Variants in USP34 observed in about 807,000 individuals in gnomAD.
USP34 encodes the protein ubiquitin specific peptidase 34.
A neutral mutation model predicts 460.3 loss-of-function variants in USP34; 70 were observed. The observed-to-expected ratio is 0.15, with a 90% CI of 0.13 to 0.19. The LOEUF is 0.19. Ranked by LOEUF, USP34 falls within the 10% of genes least tolerant of loss-of-function variation. USP34 has a pLI of 1.00. For synonymous variants in USP34, 1,647 were observed against 1,405.3 expected (o/e 1.17, Z -3.85); for missense variants, 3,985 against 4,236.2 (o/e 0.94, Z 1.65).
chr2:61,221,630 G>C, intron 65 of USP34, 24 bp from the exon 66 acceptor site: 1 of 1,606,160 alleles, frequency 6.2e-7, no homozygotes, highest in Non-Finnish European at 8.5e-7. Flanking sequence ...ACATGACTGT[G>C]TATTTAGATC....
Position 61,306,528 on chromosome 2 carries a change from G to A in USP34, c.3817+5012C>T, listed in dbSNP as rs1052030030. ...TGATGCCTCCAGCTTTGTTCTTTTG[G>A]CTTAGGATTGTCTTGGCAATGCGGG... is the stretch of plus-strand genomic sequence containing the variant. On this transcript the variant is annotated intron_variant, in intron 27 of 79. Coordinates refer to ENST00000398571, the MANE Select transcript of USP34 (RefSeq NM_014709.4). Among the ~76,000 whole-genome samples the A allele has an allele frequency of 2.6e-5, 4 of 152,194 alleles. No individual in the cohort carries two copies. In the East Asian group the frequency reaches 7.7e-4, roughly 29 times the overall value.
chr2:61,245,300 C>T lies in USP34; in HGVS notation c.6549-12G>A. Reference sequence around the variant, plus strand: ...CATTAAAAAGATACCTAAAATAGAGCATATAGTATTAATCTAGTATGCATA... The same window carrying T: ...CATTAAAAAGATACCTAAAATAGAGTATATAGTATTAATCTAGTATGCATA... On this transcript the variant is annotated splice_polypyrimidine_tract_variant and intron_variant, in intron 50 of 79. Transcript: ENST00000398571. The T allele has an allele frequency of 6.4e-7, 1 of 1,563,938 alleles. No individual in the cohort carries two copies.
chr2:61,348,569 G>C (rs1315038174), intron 14 of USP34, 89 bp from the exon 15 acceptor site: 7 of 1,493,278 alleles, frequency 4.7e-6, no homozygotes, highest in Non-Finnish European at 5.3e-6. Flanking sequence ...TTTTTAAAAA[G>C]GCTGCCAGTC....
At chr2:61,461,126 CA>C in intron 1 of USP34, among the ~76,000 whole-genome samples, 1 of 152,044 alleles carries the variant, frequency 6.6e-6, no homozygotes, top group Middle Eastern at 3.4e-3. Flanking sequence ...CAGGGTGGCT[CA>C]CAACTGTAAT....
chr2:61,296,910 C>A lies in USP34; in HGVS notation c.4144G>T (p.Glu1382Ter). ...AGATTTTCTGCATGAAGATGAAGTT[C>A]TTCACATCGTAAGCTCTACACAAAT... ...VDDSESLRCE[E>*]LHLHAENLSR... Residue 1382 changes from glutamate (E) to a stop codon, truncating the protein, a stop_gained, in exon 30 of 80, where the codon GAA becomes TAA. Coordinates refer to ENST00000398571, the MANE Select transcript of USP34 (RefSeq NM_014709.4). LOFTEE classifies it high-confidence loss of function. 6.2e-7 allele frequency: 1 copy of A among 1,613,584 alleles called. No individual in the cohort carries two copies. The highest frequency in any genetic ancestry group is 1.1e-5 in the South Asian group (1 of 91,020).
intron 27 of USP34, among the ~76,000 whole-genome samples, chr2:61,307,493 A>AT (rs932573559): frequency 7.2e-5 from 11 of 152,160 alleles, no homozygotes; most frequent in Non-Finnish European, 1.0e-4. Flanking sequence ...TTGGATGTTA[A>AT]TAAGGACTCA....
chr2:61,331,156 C>CA, intron 20 of USP34, 120 bp downstream of exon 20: 1 of 838,212 alleles, frequency 1.2e-6, no homozygotes, highest in Non-Finnish European at 1.8e-6. Flanking sequence ...TAATTTTATA[C>CA]AAATAAAGTT....
rs541184731 is a variant in USP34, at chr2:61,188,899, A to G, written c.10033+11T>C. 22 of 1,613,978 alleles carry G rather than the reference A, an allele frequency of 1.4e-5. No individual in the cohort carries two copies. Among genetic ancestry groups the G allele is most frequent in the Middle Eastern group, 3.3e-4 (2 of 6,062 alleles). The stretch of plus-strand genomic sequence containing the variant: ...ACCCTAAAGGTAATGATAGTAGTCC[A>G]TAAAGCTAACCTTTAGTTTTTCTTT... On this transcript the variant is annotated intron_variant, in intron 79 of 79. Coordinates refer to ENST00000398571, the MANE Select transcript of USP34 (RefSeq NM_014709.4).
At chr2:61,208,751 A>T in intron 70 of USP34, 148 bp downstream of exon 70, 2 of 408,794 alleles carry the variant, frequency 4.9e-6, no homozygotes, top group Admixed American at 4.5e-5. Flanking sequence ...TATTCTTGGG[A>T]TATAAATTCA....
chr2:61,417,371 G>C, intron 2 of USP34: 1 of 566,422 alleles, frequency 1.8e-6, no homozygotes. Context: ...CAGCTTAATT[G>C]GCTGCAGGAC....
rs1377314901 is a variant in USP34 at position 61,350,688 on chromosome 2, T to C, written c.1257A>G (p.Lys419=). Residue 419 remains lysine (K), a synonymous_variant, in exon 11 of 80, where the codon AAA becomes AAG. Coordinates refer to ENST00000398571, the MANE Select transcript of USP34 (RefSeq NM_014709.4). ...IDCIWAAAQL[K]HCSRYIHDLF... The stretch of plus-strand genomic sequence containing the variant: ...AGTCATGTATATACCGACTACAATG[T>C]TTCAACTAGAAAATCAAGTTAGAGA... 1.2e-6 allele frequency: 2 copies of C among 1,606,804 alleles called. No individual in the cohort carries two copies. The highest frequency in any genetic ancestry group is 1.1e-5 in the South Asian group (1 of 88,860).
chr2:61,391,439 T>C (rs2593627), intron 5 of USP34, among the ~76,000 whole-genome samples: 57,201 of 152,002 alleles, frequency 0.38, 10,813 homozygotes, highest in Admixed American at 0.41. Context: ...TTTAGTATAA[T>C]AGAGAAAAAG....
chr2:61,454,289 C>A (rs1042308031), intron 1 of USP34, among the ~76,000 whole-genome samples: 1 of 151,936 alleles, frequency 6.6e-6, no homozygotes, highest in African/African-American at 2.4e-5. Flanking sequence ...TCATGCTCAG[C>A]TAGGTTTTGT....
chr2:61,248,557 C>T lies in USP34; in HGVS notation c.6348G>A (p.Thr2116=), dbSNP rs751414272. 45 of 1,607,090 alleles carry T rather than the reference C, an allele frequency of 2.8e-5. No homozygotes were observed. The highest frequency in any genetic ancestry group is 7.8e-5 in the South Asian group (7 of 89,886). Reference sequence around the variant, plus strand: ...CCATAAGAAAATCTTCTGTATAGGGCGTCATGTCCAAACGTAATGGGAAGG... The same window carrying T: ...CCATAAGAAAATCTTCTGTATAGGGTGTCATGTCCAAACGTAATGGGAAGG... ...HFSFPLRLDM[T]PYTEDFLMGK... is the part of the protein sequence containing the mutation. The change falls in exon 49 of 80, where the codon ACG becomes ACA. Residue 2116 remains threonine, a synonymous_variant. Coordinates refer to ENST00000398571, the MANE Select transcript of USP34 (RefSeq NM_014709.4).
At chr2:61,243,866 CAAA>C (rs74868863) in intron 51 of USP34, among the ~76,000 whole-genome samples, 3 of 113,860 alleles carry the variant, frequency 2.6e-5, no homozygotes, top group Non-Finnish European at 3.8e-5. Flanking sequence ...GAGACTGTCT[CAAA>C]AAAAAAAAAA....
Position 61,329,533 on chromosome 2 carries a change from T to C in USP34, c.2930+1743A>G, listed in dbSNP as rs182835704. Among the ~76,000 whole-genome samples, 1,037 of 152,216 alleles carry C rather than the reference T, an allele frequency of 6.8e-3. 8 individuals carry two copies. Among genetic ancestry groups the C allele is most frequent in the Non-Finnish European group, 9.7e-3 (662 of 68,006 alleles). On this transcript the variant is annotated intron_variant, in intron 20 of 79. Coordinates refer to ENST00000398571, the MANE Select transcript of USP34 (RefSeq NM_014709.4). ...ACAGTAAATAGAAATACCCCAGAAA[T>C]AATTTGATAAGCTTGTAGAATAAAC...
At chr2:61,223,358 A>G (rs1367536550) in intron 62 of USP34, 62 bp from the exon 63 acceptor site, 2 of 1,480,346 alleles carry the variant, frequency 1.4e-6, no homozygotes, top group African/African-American at 2.8e-5. Context: ...ACAGCGATTT[A>G]CAACATGTAT....
intron 57 of USP34, 78 bp downstream of exon 57, chr2:61,235,767 C>CT: frequency 7.0e-7 from 1 of 1,424,882 alleles, no homozygotes; most frequent in Non-Finnish European, 9.6e-7. Flanking sequence ...AACAACTCTG[C>CT]TGTAGCATCT....
intron 62 of USP34, among the ~76,000 whole-genome samples, chr2:61,225,199 T>C (rs898688432): frequency 3.9e-5 from 6 of 152,196 alleles, no homozygotes; most frequent in African/African-American, 7.2e-5. Context: ...AAATAAGTTA[T>C]GCAAAACCCT....
Sources: gnomAD v4.1 joint callset for allele counts (sites outside exome capture counted in the v4.1 genomes callset) on GRCh38, gnomAD v4.1.1 for gene constraint, MANE v1.5 for transcripts, NCBI Gene and HGNC (gene_info 2026-07-23, HGNC 2026-07-21) for gene names.